PCDH20: variants seen among roughly 807,000 people sequenced by gnomAD.
PCDH20 encodes protocadherin 20, also known as protocadherin-20.
PCDH20 carries 18 observed loss-of-function variants against 39.7 expected under a neutral mutation model. That is an observed-to-expected ratio of 0.45 (90% confidence interval 0.31 to 0.67). The LOEUF (loss-of-function observed/expected upper bound fraction) is 0.67. Ranked by LOEUF, PCDH20 falls within the 30% of genes least tolerant of loss-of-function variation. The probability of loss-of-function intolerance (pLI) is 0.05; values close to 1 mark genes in which losing one functional copy is unlikely to be tolerated. For synonymous variants in PCDH20, 495 were observed against 455.4 expected, an observed-to-expected ratio of 1.09 and a Z score of -1.11; for missense variants, 1,161 against 1,167.4, an observed-to-expected ratio of 0.99 and a Z score of 0.08.
chr13:61,412,618 G>T, exon 2 of PCDH20: 1 of 1,614,066 alleles, frequency 6.2e-7, no homozygotes, highest in Non-Finnish European at 8.5e-7. Flanking sequence ...ATAGTCCATA[G>T]GTTTTGTGGT....
exon 1 of PCDH20, chr13:61,415,135 G>A: frequency 6.7e-7 from 1 of 1,491,206 alleles, no homozygotes; most frequent in Non-Finnish European, 9.0e-7. Context: ...CCTGTGAGCT[G>A]CGCGCATTCC....
chr13:61,411,571 A>T (rs1187768736), exon 2 of PCDH20: 1 of 1,614,222 alleles, frequency 6.2e-7, no homozygotes, highest in East Asian at 2.2e-5. Flanking sequence ...AGTGTCATTG[A>T]CAAATAGGTT....
chr13:61,412,701 G>A (rs1878273213), exon 2 of PCDH20: 1 of 1,614,024 alleles, frequency 6.2e-7, no homozygotes, highest in Non-Finnish European at 8.5e-7. Context: ...CCAGGTAGCA[G>A]TTAACCTTGT....
chr13:61,411,090 TA>T, exon 2 of PCDH20: 1 of 680,904 alleles, frequency 1.5e-6, no homozygotes, highest in East Asian at 2.8e-5. Context: ...CCTCTGAATT[TA>T]AATTTAAAAA....
At chr13:61,415,321 C>T (rs889982683) in exon 1 of PCDH20, 2 of 824,158 alleles carry the variant, frequency 2.4e-6, no homozygotes, top group Non-Finnish European at 1.7e-6. Flanking sequence ...GGCAGAAGGG[C>T]ACATTCATGG....
At chr13:61,411,970 A>C in exon 2 of PCDH20, 1 of 1,614,152 alleles carries the variant, frequency 6.2e-7, no homozygotes, top group Non-Finnish European at 8.5e-7. Flanking sequence ...TTCAACCCAC[A>C]AAGTATAGGA....
exon 2 of PCDH20, chr13:61,411,505 A>C: frequency 6.2e-7 from 1 of 1,614,008 alleles, no homozygotes. Flanking sequence ...TTTCTCCTCT[A>C]TATTAATCTC....
At chr13:61,411,106 T>G (rs1723090116) in exon 2 of PCDH20, 1 of 758,964 alleles carries the variant, frequency 1.3e-6, no homozygotes, top group African/African-American at 1.8e-5. Flanking sequence ...TAAAAACCTG[T>G]AAACAGCTAT....
chr13:61,412,784 C>T, exon 2 of PCDH20: 1 of 1,614,052 alleles, frequency 6.2e-7, no homozygotes, highest in Non-Finnish European at 8.5e-7. Flanking sequence ...TTCAGATAAA[C>T]CACACCATCT....
chr13:61,413,098 G>A (rs2138019596), exon 2 of PCDH20: 2 of 1,614,196 alleles, frequency 1.2e-6, no homozygotes, highest in East Asian at 4.5e-5. Flanking sequence ...GGTGCCCACT[G>A]TAGCATTCCC....
exon 2 of PCDH20, chr13:61,410,382 C>T (rs764890375): frequency 1.3e-5 from 2 of 152,230 alleles, no homozygotes; most frequent in Non-Finnish European, 2.9e-5. Flanking sequence ...GTTGTGAAAG[C>T]ACTAAAATGT....
At chr13:61,415,170 CT>C in exon 1 of PCDH20, 1 of 1,408,318 alleles carries the variant, frequency 7.1e-7, no homozygotes, top group Non-Finnish European at 9.4e-7. Context: ...CCCTGGGAGG[CT>C]GCAGTCAGAG....
intron 1 of PCDH20, among the ~76,000 whole-genome samples, chr13:61,414,284 G>C (rs542853652): frequency 7.9e-5 from 12 of 152,182 alleles, no homozygotes; most frequent in African/African-American, 2.9e-4. Flanking sequence ...ACACACCGGA[G>C]TGGAGAGGAT....
exon 2 of PCDH20, chr13:61,413,785 A>T: frequency 6.2e-7 from 1 of 1,613,554 alleles, no homozygotes; most frequent in South Asian, 1.1e-5. Flanking sequence ...GCGCTCTGGC[A>T]GCTGCGACTG....
At chr13:61,414,145 C>T (rs1340963863) in intron 1 of PCDH20, among the ~76,000 whole-genome samples, 179 bp from the exon 2 acceptor site, 1 of 152,002 alleles carries the variant, frequency 6.6e-6, no homozygotes, top group Non-Finnish European at 1.5e-5. Flanking sequence ...GGGGCAATAT[C>T]GTCTCCAAAA....
exon 2 of PCDH20, chr13:61,411,885 G>A: frequency 6.2e-7 from 1 of 1,614,146 alleles, no homozygotes. Flanking sequence ...CAAGAGGAGG[G>A]TTGTCATTGA....
chr13:61,412,933 C>T (rs1159462293), exon 2 of PCDH20: 2 of 1,614,178 alleles, frequency 1.2e-6, no homozygotes, highest in Non-Finnish European at 8.5e-7. Flanking sequence ...CTCCAGAACA[C>T]TTCCTCCAAT....
exon 2 of PCDH20, chr13:61,411,950 C>T (rs772345953): frequency 1.4e-5 from 23 of 1,614,000 alleles, no homozygotes; most frequent in Non-Finnish European, 1.9e-5. Context: ...GGCTCACCCC[C>T]ATCAACAGCT....
exon 2 of PCDH20, chr13:61,412,049 T>C (rs757896704): frequency 1.9e-6 from 3 of 1,614,112 alleles, no homozygotes; most frequent in East Asian, 2.2e-5. Context: ...ATGACAAAAA[T>C]ATCACTCTGG....
Sources: allele counts gnomAD v4.1 joint callset (sites outside exome capture counted in the v4.1 genomes callset), GRCh38; gene constraint gnomAD v4.1.1; transcripts MANE v1.5; gene names NCBI Gene and HGNC (gene_info 2026-07-23, HGNC 2026-07-21).